Variants in PSEN1 observed in about 807,000 individuals in gnomAD.
PSEN1 encodes presenilin 1.
A neutral mutation model predicts 53.5 loss-of-function variants in PSEN1; 15 were observed. The ratio of observed to expected loss-of-function variants is 0.28; its 90% CI spans 0.19 to 0.43. The LOEUF (loss-of-function observed/expected upper bound fraction) is 0.43. Among genes scored for constraint, PSEN1 ranks in the 20% least tolerant of loss-of-function variants. The pLI, the probability that PSEN1 is intolerant of heterozygous loss-of-function variation, is 1.00. For synonymous variants in PSEN1, 208 were observed against 209.8 expected, an observed-to-expected ratio of 0.99 and a Z score of 0.08; for missense variants, 387 against 571.2, an observed-to-expected ratio of 0.68 and a Z score of 3.29.
At chr14:73,202,428 A>T (rs1208912093) in intron 8 of PSEN1, among the ~76,000 whole-genome samples, 11 of 9,490 alleles carry the variant, frequency 1.2e-3, no homozygotes, top group African/African-American at 2.7e-3. Flanking sequence ...CTATATATAT[A>T]TATATATATA....
chr14:73,188,190 G>A (rs1898585373), intron 6 of PSEN1, among the ~76,000 whole-genome samples: 1 of 148,580 alleles, frequency 6.7e-6, no homozygotes, highest in Non-Finnish European at 1.5e-5. Context: ...GCCTCCCAAA[G>A]TGCTGGAATT....
At chr14:73,181,313 G>A (rs892405463) in intron 5 of PSEN1, among the ~76,000 whole-genome samples, 1 of 152,168 alleles carries the variant, frequency 6.6e-6, no homozygotes, top group Non-Finnish European at 1.5e-5. Context: ...GTGGTGGCGA[G>A]TGCCTGTAAT....
At chr14:73,158,995 A>T (rs942702345) in intron 3 of PSEN1, among the ~76,000 whole-genome samples, 3 of 152,122 alleles carry the variant, frequency 2.0e-5, no homozygotes, top group Non-Finnish European at 4.4e-5. Flanking sequence ...TGTGCTTGTC[A>T]TCCTGATATC....
chr14:73,188,650 A>C (rs1898603951), intron 6 of PSEN1, among the ~76,000 whole-genome samples: 3 of 152,208 alleles, frequency 2.0e-5, no homozygotes, highest in African/African-American at 7.2e-5. Context: ...AAATAAATAA[A>C]TAACTAAATC....
chr14:73,206,260 A>G, intron 8 of PSEN1, 126 bp from the exon 9 acceptor site: 1 of 724,344 alleles, frequency 1.4e-6, no homozygotes, highest in Non-Finnish European at 2.5e-6. Flanking sequence ...TTTACTTCTG[A>G]TTGTTGAACA....
chr14:73,185,028 C>T (rs1189723761), intron 5 of PSEN1, among the ~76,000 whole-genome samples: 2,095 of 151,754 alleles, frequency 0.014, 8 homozygotes, highest in Admixed American at 0.049. Context: ...CAGAGACGCT[C>T]CTCACTTCCT....
rs560387944 is a variant in PSEN1, at chr14:73,207,903, G to T, written c.955+1431G>T. On this transcript the variant is annotated intron_variant, in intron 9 of 11. Transcript: ENST00000324501. ...GCAGGGCAGGCAGCCTCAGGTACTA[G>T]CTCCCTGCTGCAGCTAGACCAGGCA... 8.5e-5 allele frequency among the ~76,000 whole-genome samples: 13 copies of T among 152,362 alleles called. No individual in the cohort carries two copies. In the East Asian group the frequency reaches 2.5e-3, roughly 29 times the overall value.
intron 5 of PSEN1, among the ~76,000 whole-genome samples, chr14:73,185,129 G>A (rs1192718678): frequency 6.6e-6 from 1 of 151,466 alleles, no homozygotes; most frequent in East Asian, 2.0e-4. Flanking sequence ...AGACTGGGCA[G>A]CCAGGCAGAG....
At chr14:73,171,285 T>C (rs2140037931) in intron 4 of PSEN1, among the ~76,000 whole-genome samples, 1 of 152,334 alleles carries the variant, frequency 6.6e-6, no homozygotes, top group Admixed American at 6.5e-5. Context: ...GGGCTGAAGT[T>C]ATGCTGAATT....
At chr14:73,154,098 A>G (rs925856043) in intron 3 of PSEN1, among the ~76,000 whole-genome samples, 8 of 152,238 alleles carry the variant, frequency 5.3e-5, no homozygotes, top group African/African-American at 1.4e-4. Context: ...ATAATTGAAT[A>G]CATTATAACC....
intron 10 of PSEN1, among the ~76,000 whole-genome samples, chr14:73,215,829 ACT>A (rs942498949): frequency 2.0e-5 from 3 of 152,118 alleles, no homozygotes; most frequent in African/African-American, 7.2e-5. Flanking sequence ...AAAAACTGGA[ACT>A]CTCAATTGTT....
intron 6 of PSEN1, among the ~76,000 whole-genome samples, chr14:73,187,618 T>C (rs76809297): frequency 0.032 from 4,945 of 152,222 alleles, 116 homozygotes; most frequent in Middle Eastern, 0.095. Flanking sequence ...AGAGAGAATA[T>C]CTAAACAGAG....
At chr14:73,184,683 G>A (rs1419025289) in intron 5 of PSEN1, among the ~76,000 whole-genome samples, 2 of 122,082 alleles carry the variant, frequency 1.6e-5, no homozygotes, top group Non-Finnish European at 1.8e-5. Context: ...AGCGGCTGGC[G>A]GGGCGGGGGG....
intron 3 of PSEN1, chr14:73,168,013 C>T (rs899174792): frequency 1.3e-5 from 2 of 151,812 alleles, no homozygotes; most frequent in Non-Finnish European, 1.5e-5. Flanking sequence ...TTTTCCCACC[C>T]AAATGTTGCC....
chr14:73,197,554 T>C (rs1349785092), intron 7 of PSEN1, among the ~76,000 whole-genome samples: 3 of 152,246 alleles, frequency 2.0e-5, no homozygotes, highest in Non-Finnish European at 2.9e-5. Context: ...TCTACTCTGC[T>C]CTTCATATTT....
intron 3 of PSEN1, among the ~76,000 whole-genome samples, chr14:73,163,232 G>T (rs78213646): frequency 6.6e-6 from 1 of 152,170 alleles, no homozygotes; most frequent in Non-Finnish European, 1.5e-5. Context: ...CACCTACATG[G>T]TGCTTCATTT....
At chr14:73,199,168 A>G (rs950902129) in intron 8 of PSEN1, among the ~76,000 whole-genome samples, 1 of 152,200 alleles carries the variant, frequency 6.6e-6, no homozygotes, top group Non-Finnish European at 1.5e-5. Flanking sequence ...CTAGGTAGAC[A>G]TTGCTAGCAG....
At chr14:73,196,252 G>GTAC (rs138852262) in intron 7 of PSEN1, among the ~76,000 whole-genome samples, 1,966 of 152,082 alleles carry the variant, frequency 0.013, 22 homozygotes, top group Middle Eastern at 0.054. Context: ...AACTGAAATA[G>GTAC]TACTGAATGT....
intron 7 of PSEN1, among the ~76,000 whole-genome samples, chr14:73,193,209 C>T (rs750141128): frequency 6.6e-6 from 1 of 151,956 alleles, no homozygotes; most frequent in Non-Finnish European, 1.5e-5. Context: ...ACTTAGGAGG[C>T]TGAGGTGGGA....
Sources: gnomAD v4.1 joint callset for allele counts (sites outside exome capture counted in the v4.1 genomes callset) on GRCh38, gnomAD v4.1.1 for gene constraint, MANE v1.5 for transcripts, NCBI Gene and HGNC (gene_info 2026-07-23, HGNC 2026-07-21) for gene names.